Variants in WDFY4 observed in about 807,000 individuals in gnomAD.
WDFY4 encodes the protein WDFY family member 4, also known as WD repeat- and FYVE domain-containing protein 4.
WDFY4 carries 169 observed loss-of-function variants against 351.9 expected under a neutral mutation model. That is an observed-to-expected ratio of 0.48 (90% CI 0.42 to 0.55). WDFY4 has a LOEUF of 0.55. Ranked by LOEUF, WDFY4 falls within the 20% of genes least tolerant of loss-of-function variation. The pLI is 0.00. For missense variants in WDFY4, 3,803 were observed against 3,935.6 expected (o/e 0.97, Z 0.90); for synonymous variants, 1,622 against 1,574.6 (o/e 1.03, Z -0.71).
At chr10:48,691,255 G>A (rs573660605) in intron 1 of WDFY4, among the ~76,000 whole-genome samples, 17 of 151,710 alleles carry the variant, frequency 1.1e-4, no homozygotes, top group African/African-American at 4.1e-4. Context: ...TGGTCACCCT[G>A]ACTTAGGGTG....
chr10:48,736,290 T>A (rs2064664797), intron 11 of WDFY4: 2 of 620,434 alleles, frequency 3.2e-6, no homozygotes, highest in Non-Finnish European at 5.8e-6. Flanking sequence ...CAGTCAATGA[T>A]TGGTGACTGT....
chr10:48,885,539 T>A (rs1187245689), intron 43 of WDFY4, among the ~76,000 whole-genome samples: 1 of 152,212 alleles, frequency 6.6e-6, no homozygotes, highest in Non-Finnish European at 1.5e-5. Context: ...GGTGTGGCTG[T>A]CTGCAGGCTG....
intron 44 of WDFY4, among the ~76,000 whole-genome samples, chr10:48,896,127 C>T (rs2133387933): frequency 6.6e-6 from 1 of 152,336 alleles, no homozygotes; most frequent in East Asian, 1.9e-4. Context: ...GAATTCAGTA[C>T]ACCTCTTTGT....
At chr10:48,685,971 C>T (rs999492235) in intron 1 of WDFY4, among the ~76,000 whole-genome samples, 2 of 151,774 alleles carry the variant, frequency 1.3e-5, no homozygotes, top group Non-Finnish European at 2.9e-5. Flanking sequence ...TGAGGGAGGC[C>T]GAGTCCTGTG....
At chr10:48,924,973 A>T (rs1839445580) in intron 47 of WDFY4, among the ~76,000 whole-genome samples, 1 of 152,230 alleles carries the variant, frequency 6.6e-6, no homozygotes, top group Non-Finnish European at 1.5e-5. Flanking sequence ...ATCCATTGAG[A>T]TACAGGATAG....
At chr10:48,897,983 T>C (rs1356239439) in intron 45 of WDFY4, among the ~76,000 whole-genome samples, 1 of 152,122 alleles carries the variant, frequency 6.6e-6, no homozygotes, top group Non-Finnish European at 1.5e-5. Flanking sequence ...AGACCTCCCT[T>C]GCTGACATAC....
At chr10:48,788,451 A>C in intron 20 of WDFY4, 79 bp from the exon 21 acceptor site, 3 of 1,460,426 alleles carry the variant, frequency 2.1e-6, no homozygotes, top group Non-Finnish European at 2.8e-6. Context: ...GCTGTGTGAC[A>C]GAGATATTAA....
chr10:48,699,096 G>A (rs578187623), intron 1 of WDFY4, among the ~76,000 whole-genome samples: 6 of 152,200 alleles, frequency 3.9e-5, no homozygotes, highest in Admixed American at 1.3e-4. Flanking sequence ...AGACAGCCAC[G>A]CTCACCTGGT....
chr10:48,729,378 A>G, intron 7 of WDFY4, 54 bp from the exon 8 acceptor site: 1 of 1,542,260 alleles, frequency 6.5e-7, no homozygotes, highest in South Asian at 1.2e-5. Context: ...CCATGCACGC[A>G]TGTGGCTGCT....
rs145925613 is a variant in WDFY4 at position 48,969,011 on chromosome 10, G to A, written c.8585-53G>A. 1,516 of 1,527,504 alleles carry A rather than the reference G, an allele frequency of 9.9e-4. 18 individuals are homozygous for A. In the African/African-American group the frequency reaches 0.018, roughly 18 times the overall value. The allele number at this position is 1,527,504 out of a possible 1,614,324, so 94.6% of individuals were successfully genotyped here. A position where few individuals can be genotyped will look rare whatever the true frequency, so the allele number is the denominator to read the frequency against. On this transcript the variant is annotated intron_variant, in intron 55 of 61. Coordinates refer to ENST00000325239, the MANE Select transcript of WDFY4 (RefSeq NM_001394531.1). Reference sequence around the variant, plus strand: ...GTGACTCCTGCCTGGGGGCCCAGCTGTAGTGGGTGCTGTTCTTCCATGCAT... The same window carrying A: ...GTGACTCCTGCCTGGGGGCCCAGCTATAGTGGGTGCTGTTCTTCCATGCAT...
chr10:48,714,135 G>A (rs2063835499), intron 2 of WDFY4, among the ~76,000 whole-genome samples: 1 of 152,200 alleles, frequency 6.6e-6, no homozygotes, highest in Admixed American at 6.5e-5. Flanking sequence ...GCATAACTTG[G>A]CCAAAGTCAC....
intron 35 of WDFY4, among the ~76,000 whole-genome samples, chr10:48,826,028 C>T (rs879126990): frequency 6.6e-6 from 1 of 152,152 alleles, no homozygotes; most frequent in African/African-American, 2.4e-5. Context: ...GAAATCTTTG[C>T]CTATGCCTAT....
intron 9 of WDFY4, among the ~76,000 whole-genome samples, chr10:48,731,993 G>A (rs991753766): frequency 2.6e-5 from 4 of 152,138 alleles, no homozygotes; most frequent in Non-Finnish European, 4.4e-5. Flanking sequence ...CTGGGAGAGA[G>A]CTCCTTGGGG....
chr10:48,896,593 G>A (rs1177559407), intron 44 of WDFY4, among the ~76,000 whole-genome samples: 1 of 152,188 alleles, frequency 6.6e-6, no homozygotes, highest in Non-Finnish European at 1.5e-5. Context: ...TGCAGGCGCT[G>A]TGCAGATGAG....
chr10:48,798,076 A>T (rs1469542378), intron 24 of WDFY4, among the ~76,000 whole-genome samples: 1 of 152,194 alleles, frequency 6.6e-6, no homozygotes, highest in Non-Finnish European at 1.5e-5. Context: ...GAGACACATG[A>T]CAAGGGAAAT....
chr10:48,830,656 G>T (rs1301521153), intron 37 of WDFY4, 44 bp from the exon 38 acceptor site: 1 of 1,534,132 alleles, frequency 6.5e-7, no homozygotes. Context: ...CTCTGGGAGG[G>T]TCACTGAGGC....
intron 39 of WDFY4, among the ~76,000 whole-genome samples, chr10:48,849,073 T>C (rs2068873134): frequency 6.6e-6 from 1 of 152,136 alleles, no homozygotes; most frequent in South Asian, 2.1e-4. Flanking sequence ...CTGGAATCTG[T>C]CTTTGGTCAG....
intron 53 of WDFY4, among the ~76,000 whole-genome samples, 168 bp from the exon 54 acceptor site, chr10:48,963,674 G>C (rs554981193): frequency 6.6e-6 from 1 of 152,162 alleles, no homozygotes; most frequent in Non-Finnish European, 1.5e-5. Flanking sequence ...TGGCCCTCGG[G>C]TGGCTGGCTC....
At chr10:48,939,971 C>T (rs1258457378) in intron 47 of WDFY4, among the ~76,000 whole-genome samples, 2 of 152,232 alleles carry the variant, frequency 1.3e-5, no homozygotes, top group East Asian at 3.8e-4. Flanking sequence ...AATCTCATTT[C>T]CTGGATCCTA....
Sources: allele counts gnomAD v4.1 joint callset (sites outside exome capture counted in the v4.1 genomes callset), GRCh38; gene constraint gnomAD v4.1.1; transcripts MANE v1.5; gene names NCBI Gene and HGNC (gene_info 2026-07-23, HGNC 2026-07-21).